Variants in PACSIN2 observed in about 807,000 individuals in gnomAD.
PACSIN2 encodes the protein protein kinase C and casein kinase substrate in neurons 2, also known as protein kinase C and casein kinase substrate in neurons protein 2.
In PACSIN2, 25 loss-of-function variants were observed where a neutral mutation model predicts 63.8. The observed-to-expected ratio is 0.39, with a 90% CI of 0.29 to 0.55. The LOEUF (loss-of-function observed/expected upper bound fraction) is 0.55, where lower values mean the gene tolerates loss of function less well. Ranked by LOEUF, PACSIN2 falls within the 20% of genes least tolerant of loss-of-function variation. PACSIN2 has a pLI of 0.62. For missense variants in PACSIN2, 518 were observed against 646.9 expected (o/e 0.80, Z 2.16); for synonymous variants, 255 against 256.2 (o/e 1.00, Z 0.05).
chr22:42,960,987 G>A (rs1172293338), intron 1 of PACSIN2, among the ~76,000 whole-genome samples: 1 of 152,160 alleles, frequency 6.6e-6, no homozygotes, highest in Admixed American at 6.5e-5. Flanking sequence ...TGCCCTCCTA[G>A]AAGATACACA....
intron 1 of PACSIN2, among the ~76,000 whole-genome samples, chr22:42,936,593 T>G (rs997095394): frequency 6.6e-6 from 1 of 152,046 alleles, no homozygotes; most frequent in Non-Finnish European, 1.5e-5. Flanking sequence ...AAAAAGACTT[T>G]TACATATATC....
At chr22:42,971,882 C>G (rs1298035670) in intron 1 of PACSIN2, among the ~76,000 whole-genome samples, 187 of 35,800 alleles carry the variant, frequency 5.2e-3, no homozygotes, top group East Asian at 0.01. Context: ...CAGCCCCGTT[C>G]GGGAGGTGGG....
chr22:42,892,731 G>GCTTGGTCTAGCT (rs1454332594), intron 3 of PACSIN2, among the ~76,000 whole-genome samples: 1 of 152,198 alleles, frequency 6.6e-6, no homozygotes, highest in African/African-American at 2.4e-5. Flanking sequence ...GACTAGACCT[G>GCTTGGTCTAGCT]GCTTGCTTGG....
intron 6 of PACSIN2, among the ~76,000 whole-genome samples, chr22:42,884,149 G>A (rs1453205059): frequency 6.6e-6 from 1 of 152,198 alleles, no homozygotes; most frequent in Non-Finnish European, 1.5e-5. Context: ...CCAGCAATTG[G>A]CCGGGTCAAC....
At chr22:42,970,670 G>GT (rs1327026503) in intron 1 of PACSIN2, among the ~76,000 whole-genome samples, 28 of 152,206 alleles carry the variant, frequency 1.8e-4, no homozygotes, top group African/African-American at 6.8e-4. Flanking sequence ...GGACAATGTG[G>GT]TCTTCTTTTT....
chr22:42,955,470 C>T (rs1933877087), intron 1 of PACSIN2, among the ~76,000 whole-genome samples: 1 of 148,816 alleles, frequency 6.7e-6, no homozygotes, highest in African/African-American at 2.6e-5. Flanking sequence ...GAGATAGCAT[C>T]AGGGGGAAAA....
At chr22:42,982,887 A>AAAAAAAAAAAAAAAAAAAAAAAAAAAAC (rs200348918) in intron 1 of PACSIN2, among the ~76,000 whole-genome samples, 1 of 129,576 alleles carries the variant, frequency 7.7e-6, no homozygotes, top group Non-Finnish European at 1.7e-5. Flanking sequence ...AAAAAAAAAA[A>AAAAAAAAAAAAAAAAAAAAAAAAAAAAC]AAACAACAAC....
chr22:42,874,152 A>G (rs1356779382), intron 10 of PACSIN2, among the ~76,000 whole-genome samples: 1 of 152,048 alleles, frequency 6.6e-6, no homozygotes, highest in Non-Finnish European at 1.5e-5. Flanking sequence ...AATGCATTAA[A>G]AAAGATTCCT....
chr22:42,923,551 C>T (rs1932334795), intron 1 of PACSIN2, among the ~76,000 whole-genome samples: 1 of 152,170 alleles, frequency 6.6e-6, no homozygotes, highest in Non-Finnish European at 1.5e-5. Flanking sequence ...CCTCAGCCTC[C>T]CGAGTAGCTG....
intron 1 of PACSIN2, among the ~76,000 whole-genome samples, chr22:42,948,184 C>T (rs531916115): frequency 2.1e-4 from 32 of 152,262 alleles, no homozygotes; most frequent in African/African-American, 7.5e-4. Flanking sequence ...TCCTGGAGGG[C>T]AAACCCTGGG....
chr22:42,923,115 T>C (rs963984498), intron 1 of PACSIN2, among the ~76,000 whole-genome samples: 4 of 152,186 alleles, frequency 2.6e-5, no homozygotes, highest in African/African-American at 9.7e-5. Context: ...TCTGGCATCA[T>C]AGATAAGCTG....
intron 3 of PACSIN2, 72 bp from the exon 4 acceptor site, chr22:42,891,254 C>CTAAT: frequency 1.0e-6 from 1 of 971,502 alleles, no homozygotes; most frequent in Admixed American, 2.0e-5. Flanking sequence ...CACACCTCGG[C>CTAAT]TGTTCAATGT....
intron 1 of PACSIN2, among the ~76,000 whole-genome samples, chr22:42,977,821 C>T (rs1439208097): frequency 6.6e-6 from 1 of 152,234 alleles, no homozygotes; most frequent in Non-Finnish European, 1.5e-5. Context: ...GACACGCTTG[C>T]TTCCCCTTCC....
In PACSIN2 at chr22:42,893,573, C is replaced by T. The variant is rs1930070583; in HGVS notation, c.101G>A (p.Gly34Asp). The change falls in exon 3 of 11, where the codon GGC becomes GAC. Residue 34 changes from glycine to aspartate, a missense_variant. By Grantham distance (94) the Gly-to-Asp change is moderately conservative. Around this residue, in one of 2 missense-constraint regions of PACSIN2, gnomAD observed 507 missense variants for 612.3 expected, o/e 0.83. Coordinates refer to ENST00000263246, the MANE Select transcript of PACSIN2 (RefSeq NM_001184970.3). ...CATGAGGTCGCTGCACAGGCGGTGGCCATCGTCGATCCGCTTCACAGTCCG... is the reference window on the plus strand; with the variant it reads ...CATGAGGTCGCTGCACAGGCGGTGGTCATCGTCGATCCGCTTCACAGTCCG... ...YKRTVKRIDD[G>D]HRLCSDLMNC... 1.2e-6 allele frequency: 2 copies of T among 1,614,146 alleles called. No homozygotes were observed.
chr22:43,010,398 A>ATATATATATATATATATTTTTTTTTTT, intron 1 of PACSIN2, among the ~76,000 whole-genome samples: 3 of 126,394 alleles, frequency 2.4e-5, no homozygotes, highest in South Asian at 2.7e-4. Context: ...ATATATATAT[A>ATATATATATATATATATTTTTTTTTTT]TTTTTTTTTA....
chr22:42,935,721 G>C (rs913156656), intron 1 of PACSIN2, among the ~76,000 whole-genome samples: 1 of 152,032 alleles, frequency 6.6e-6, no homozygotes, highest in Non-Finnish European at 1.5e-5. Flanking sequence ...TCACGGGCCA[G>C]ACACTGAAAC....
At chr22:42,906,873 A>C (rs1931111956) in intron 2 of PACSIN2, among the ~76,000 whole-genome samples, 1 of 152,266 alleles carries the variant, frequency 6.6e-6, no homozygotes, top group Non-Finnish European at 1.5e-5. Context: ...AGAGAAAAAA[A>C]GTACCACACA....
intron 2 of PACSIN2, among the ~76,000 whole-genome samples, chr22:42,897,955 G>A (rs2146686527): frequency 6.6e-6 from 1 of 152,294 alleles, no homozygotes; most frequent in East Asian, 1.9e-4. Flanking sequence ...AAATGGCAAT[G>A]AGGGAGGGCA....
chr22:42,912,964 T>C (rs1338009606), intron 1 of PACSIN2, among the ~76,000 whole-genome samples: 11 of 152,326 alleles, frequency 7.2e-5, no homozygotes. Context: ...GGCCAACTTG[T>C]TTTGAGCACC....
Sources: allele counts gnomAD v4.1 joint callset (sites outside exome capture counted in the v4.1 genomes callset), GRCh38; gene constraint gnomAD v4.1.1; regional missense constraint gnomAD v4.1.1; transcripts MANE v1.5; gene names NCBI Gene and HGNC (gene_info 2026-07-23, HGNC 2026-07-21).